USH2A: variants seen among roughly 807,000 people sequenced by gnomAD.
USH2A encodes the protein Usher syndrome 2A (autosomal recessive, mild).
USH2A carries 443 observed loss-of-function variants against 538.9 expected under a neutral mutation model. That is an observed-to-expected ratio of 0.82 (90% CI 0.76 to 0.89). The LOEUF (loss-of-function observed/expected upper bound fraction) is 0.89. Among genes scored for constraint, USH2A ranks in the 40% least tolerant of loss-of-function variants. The probability of loss-of-function intolerance (pLI) is 0.00; values close to 1 mark genes in which losing one functional copy is unlikely to be tolerated. For missense variants in USH2A, 6,633 were observed against 6,324.8 expected (o/e 1.05, Z -1.65); for synonymous variants, 2,413 against 2,273.5 (o/e 1.06, Z -1.75).
intron 4 of USH2A, among the ~76,000 whole-genome samples, chr1:216,341,745 A>G (rs1420166630): frequency 3.3e-5 from 5 of 152,180 alleles, no homozygotes; most frequent in Non-Finnish European, 7.4e-5. Flanking sequence ...AGCAATGGGG[A>G]AAAGATTCCC....
chr1:215,892,649 T>C (rs1255314592), intron 40 of USH2A, among the ~76,000 whole-genome samples: 1 of 152,084 alleles, frequency 6.6e-6, no homozygotes, highest in Non-Finnish European at 1.5e-5. Flanking sequence ...AGAGGAGCAA[T>C]AAAATAAAGA....
Position 215,973,998 on chromosome 1 carries a change from G to A in USH2A, c.6806-3222C>T, listed in dbSNP as rs186049826. ...CACAGAGTTACCCGGCATCCTGTAG[G>A]TAAACAGTATTTGACAGCATATGGA... On this transcript the variant is annotated intron_variant, in intron 35 of 71. Transcript: ENST00000307340. Among the ~76,000 whole-genome samples, 279 of 149,892 alleles carry A rather than the reference G, an allele frequency of 1.9e-3. 2 individuals are homozygous for A. The highest frequency in any genetic ancestry group is 6.5e-3 in the African/African-American group (263 of 40,602).
intron 21 of USH2A, among the ~76,000 whole-genome samples, chr1:216,128,635 A>C (rs1048606621): frequency 1.3e-5 from 2 of 152,060 alleles, no homozygotes; most frequent in African/African-American, 4.8e-5. Context: ...TAATAGTTGT[A>C]GATATTTATG....
chr1:216,180,093 T>C (rs779360889), intron 20 of USH2A, among the ~76,000 whole-genome samples: 3 of 152,084 alleles, frequency 2.0e-5, no homozygotes, highest in Non-Finnish European at 4.4e-5. Context: ...AAAACAAGTT[T>C]CTATACAAAT....
At chr1:215,861,642 G>A (rs1308923653) in intron 44 of USH2A, among the ~76,000 whole-genome samples, 2 of 152,088 alleles carry the variant, frequency 1.3e-5, no homozygotes, top group Middle Eastern at 3.2e-3. Context: ...CACACACCCA[G>A]TGTTTTCTGG....
intron 3 of USH2A, among the ~76,000 whole-genome samples, chr1:216,368,319 C>T (rs2038638092): frequency 2.0e-5 from 3 of 151,790 alleles, no homozygotes. Flanking sequence ...CAGTACCTAG[C>T]AAGGGGAAAA....
intron 35 of USH2A, among the ~76,000 whole-genome samples, chr1:215,990,023 T>G (rs1164427448): frequency 6.6e-6 from 1 of 152,200 alleles, no homozygotes; most frequent in Non-Finnish European, 1.5e-5. Flanking sequence ...AGAAATACCA[T>G]TTAAAATCTT....
intron 21 of USH2A, among the ~76,000 whole-genome samples, chr1:216,155,721 G>A (rs1024382735): frequency 2.6e-5 from 4 of 152,082 alleles, no homozygotes; most frequent in Non-Finnish European, 2.9e-5. Flanking sequence ...CTGCAGTCTC[G>A]GTTAATTGAT....
rs1446390721 is a variant in USH2A, at chr1:215,625,889, A to G, written c.15520-19T>C. The G allele has an allele frequency of 1.2e-6, 2 of 1,605,876 alleles. No homozygotes were observed. The highest frequency in any genetic ancestry group is 1.7e-5 in the Admixed American group (1 of 59,988). ...CCACATACTGAAAAATAAGCCAATC[A>G]TCATTGGCTACATACTTGCTATCAA... On this transcript the variant is annotated intron_variant, in intron 71 of 71. Transcript: ENST00000307340.
chr1:216,315,740 A>G (rs11120759), intron 9 of USH2A, among the ~76,000 whole-genome samples: 2,763 of 152,298 alleles, frequency 0.018, 90 homozygotes, highest in African/African-American at 0.061. Context: ...TCAAAATTAA[A>G]AGTTTACTTA....
chr1:216,111,557 A>G (rs1035816186), intron 21 of USH2A, among the ~76,000 whole-genome samples: 1 of 152,062 alleles, frequency 6.6e-6, no homozygotes, highest in Non-Finnish European at 1.5e-5. Flanking sequence ...AATCAGAATG[A>G]TATGACTCAG....
intron 27 of USH2A, among the ~76,000 whole-genome samples, chr1:216,076,378 T>C (rs2031751154): frequency 6.6e-6 from 1 of 152,150 alleles, no homozygotes. Flanking sequence ...ATTATTCCCT[T>C]TGGGTCTATG....
At chr1:216,004,443 T>C (rs1387881913) in intron 32 of USH2A, among the ~76,000 whole-genome samples, 1 of 152,066 alleles carries the variant, frequency 6.6e-6, no homozygotes, top group Admixed American at 6.6e-5. Context: ...TTTTAAGAGT[T>C]AAAGGTGAAA....
chr1:216,034,985 T>A (rs776389269), intron 32 of USH2A, among the ~76,000 whole-genome samples: 14 of 152,198 alleles, frequency 9.2e-5, no homozygotes, highest in Non-Finnish European at 2.9e-5. Flanking sequence ...ATGCAAAAAG[T>A]AAGGCTGGGA....
At chr1:216,023,280 G>T (rs970709329) in intron 32 of USH2A, among the ~76,000 whole-genome samples, 1 of 151,636 alleles carries the variant, frequency 6.6e-6, no homozygotes, top group African/African-American at 2.4e-5. Flanking sequence ...TGTGCTTTGG[G>T]ACTCTATGTT....
intron 13 of USH2A, among the ~76,000 whole-genome samples, chr1:216,238,146 G>A (rs76852462): frequency 0.012 from 1,879 of 152,250 alleles, 26 homozygotes; most frequent in Middle Eastern, 0.092. Flanking sequence ...TTTATGAATT[G>A]TAAAAGAAAA....
intron 35 of USH2A, among the ~76,000 whole-genome samples, chr1:215,984,202 T>TA (rs202048815): frequency 0.016 from 2,390 of 152,328 alleles, 34 homozygotes; most frequent in Non-Finnish European, 0.023. Flanking sequence ...ATATTCACCA[T>TA]AAAAAATCAC....
chr1:216,086,574 A>G, intron 24 of USH2A, 145 bp downstream of exon 24: 2 of 643,334 alleles, frequency 3.1e-6, no homozygotes, highest in Middle Eastern at 9.1e-4. Context: ...TTTAAAAAAA[A>G]GAGACCTAAA....
intron 21 of USH2A, among the ~76,000 whole-genome samples, chr1:216,133,967 T>C (rs1451242953): frequency 6.6e-6 from 1 of 152,132 alleles, no homozygotes; most frequent in Non-Finnish European, 1.5e-5. Flanking sequence ...ACAATATTTG[T>C]ACTATAATGA....
Sources: allele counts gnomAD v4.1 joint callset (sites outside exome capture counted in the v4.1 genomes callset), GRCh38; gene constraint gnomAD v4.1.1; transcripts MANE v1.5; gene names NCBI Gene and HGNC (gene_info 2026-07-23, HGNC 2026-07-21).